Variants in NCALD observed in about 807,000 individuals in gnomAD.
NCALD encodes neurocalcin delta.
A neutral mutation model predicts 18.6 loss-of-function variants in NCALD; 10 were observed. The ratio of observed to expected loss-of-function variants is 0.54; its 90% confidence interval spans 0.33 to 0.91. The LOEUF (loss-of-function observed/expected upper bound fraction) is 0.91, where lower values mean the gene tolerates loss of function less well. NCALD is among the 40% of genes least tolerant of loss of function. NCALD has a pLI of 0.03. For missense variants in NCALD, 184 were observed against 247.6 expected, an observed-to-expected ratio of 0.74 and a Z score of 1.72; for synonymous variants, 88 against 87.4, an observed-to-expected ratio of 1.01 and a Z score of -0.04.
At chr8:101,824,419 C>T (rs970558933) in intron 4 of NCALD, among the ~76,000 whole-genome samples, 1 of 152,112 alleles carries the variant, frequency 6.6e-6, no homozygotes, top group Admixed American at 6.5e-5. Flanking sequence ...GCCTGCCTTC[C>T]CTTAATAACA....
chr8:101,876,027 G>C (rs1290109398), intron 4 of NCALD, among the ~76,000 whole-genome samples: 1 of 152,152 alleles, frequency 6.6e-6, no homozygotes, highest in Non-Finnish European at 1.5e-5. Flanking sequence ...TAGCTAGATG[G>C]TCCTAACCTC....
chr8:101,778,490 T>A (rs1418753710), intron 1 of NCALD, among the ~76,000 whole-genome samples: 3 of 152,104 alleles, frequency 2.0e-5, no homozygotes, highest in Non-Finnish European at 4.4e-5. Flanking sequence ...CTTTTTTTTT[T>A]AAAGTAATAC....
At chr8:101,960,686 T>C (rs1463928526) in intron 2 of NCALD, among the ~76,000 whole-genome samples, 2 of 152,134 alleles carry the variant, frequency 1.3e-5, no homozygotes, top group African/African-American at 4.8e-5. Context: ...TAACCATGAA[T>C]TGGATCATTT....
At chr8:101,914,109 A>G (rs1817895142) in intron 3 of NCALD, among the ~76,000 whole-genome samples, 1 of 152,250 alleles carries the variant, frequency 6.6e-6, no homozygotes, top group East Asian at 1.9e-4. Flanking sequence ...CTAACATCCT[A>G]TTTTTGGTCC....
chr8:101,967,207 C>T (rs2131877915), intron 2 of NCALD, among the ~76,000 whole-genome samples: 1 of 152,248 alleles, frequency 6.6e-6, no homozygotes, highest in Admixed American at 6.5e-5. Context: ...AAAATTTTAG[C>T]AGTTGATTCA....
chr8:101,808,775 A>T (rs1334913436), intron 4 of NCALD, among the ~76,000 whole-genome samples: 1 of 152,196 alleles, frequency 6.6e-6, no homozygotes, highest in Non-Finnish European at 1.5e-5. Flanking sequence ...TGTACACCCT[A>T]AAGATGGATG....
At chr8:101,969,242 A>C (rs762985962) in intron 2 of NCALD, among the ~76,000 whole-genome samples, 25 of 152,170 alleles carry the variant, frequency 1.6e-4, no homozygotes, top group Non-Finnish European at 2.9e-4. Flanking sequence ...CTCCATTTTT[A>C]CCTAAGCCAA....
chr8:101,774,929 G>A lies in NCALD; in HGVS notation c.-20+15933C>T, dbSNP rs541801618. On this transcript the variant is annotated intron_variant, in intron 1 of 3. Transcript: ENST00000220931. ...TCAACTTAGGGTGCCCAGATATCCA[G>A]GTCTGACAGCCTCAATCTTTTGGGC... 3.3e-5 allele frequency among the ~76,000 whole-genome samples: 5 copies of A among 152,288 alleles called. No individual in the cohort carries two copies. The South Asian group carries it at 8.3e-4, about 25-fold the overall frequency.
At chr8:101,881,241 T>G (rs915292556) in intron 4 of NCALD, among the ~76,000 whole-genome samples, 1 of 152,236 alleles carries the variant, frequency 6.6e-6, no homozygotes, top group African/African-American at 2.4e-5. Flanking sequence ...TCTAAGTACA[T>G]TTTTGCAATT....
intron 1 of NCALD, among the ~76,000 whole-genome samples, chr8:102,096,033 C>A (rs1206486516): frequency 2.0e-5 from 3 of 152,196 alleles, no homozygotes; most frequent in African/African-American, 7.2e-5. Context: ...GAACATTTGT[C>A]CCCCTGCCTC....
intron 4 of NCALD, among the ~76,000 whole-genome samples, chr8:101,850,377 C>T (rs2131328162): frequency 6.6e-6 from 1 of 152,226 alleles, no homozygotes; most frequent in African/African-American, 2.4e-5. Context: ...GTTTTATTTT[C>T]TGTAAGTAAA....
intron 2 of NCALD, among the ~76,000 whole-genome samples, chr8:102,006,255 C>A (rs1821707216): frequency 6.6e-6 from 1 of 151,882 alleles, no homozygotes; most frequent in South Asian, 2.1e-4. Context: ...GAATTTGCAA[C>A]AAGTTGACAA....
chr8:101,872,892 G>A (rs2131415295), intron 4 of NCALD, among the ~76,000 whole-genome samples: 1 of 152,256 alleles, frequency 6.6e-6, no homozygotes, highest in Non-Finnish European at 1.5e-5. Flanking sequence ...GCCCCTCTGT[G>A]TATCGAATCA....
At chr8:101,883,108 A>G (rs1446278415) in intron 4 of NCALD, among the ~76,000 whole-genome samples, 1 of 152,242 alleles carries the variant, frequency 6.6e-6, no homozygotes, top group African/African-American at 2.4e-5. Context: ...GTGGTGGCTC[A>G]CGTCTATAAC....
At chr8:101,932,622 GAAA>G (rs962571620) in intron 2 of NCALD, among the ~76,000 whole-genome samples, 30 of 151,538 alleles carry the variant, frequency 2.0e-4, no homozygotes, top group African/African-American at 7.3e-4. Context: ...GTACACGAGA[GAAA>G]AAAAAGAAAG....
chr8:101,945,638 C>A (rs1465118443), intron 2 of NCALD, among the ~76,000 whole-genome samples: 1 of 152,132 alleles, frequency 6.6e-6, no homozygotes, highest in Non-Finnish European at 1.5e-5. Context: ...GCTGGCACTG[C>A]GAACCCATGT....
chr8:102,076,375 G>A (rs1379180821), intron 1 of NCALD, among the ~76,000 whole-genome samples: 1 of 152,060 alleles, frequency 6.6e-6, no homozygotes, highest in Non-Finnish European at 1.5e-5. Context: ...ATTCTCCCTG[G>A]GCAGATGCTG....
intron 2 of NCALD, among the ~76,000 whole-genome samples, chr8:101,936,125 G>A (rs572004075): frequency 9.9e-5 from 15 of 152,214 alleles, no homozygotes; most frequent in African/African-American, 3.6e-4. Context: ...GAGGGGGTTG[G>A]TTTGAGGTTT....
chr8:101,924,865 A>G (rs972586392), intron 2 of NCALD, among the ~76,000 whole-genome samples: 3 of 152,206 alleles, frequency 2.0e-5, no homozygotes, highest in Non-Finnish European at 2.9e-5. Flanking sequence ...CCATTTTCAT[A>G]AACATAGACA....
Sources: allele counts gnomAD v4.1 joint callset (sites outside exome capture counted in the v4.1 genomes callset), GRCh38; gene constraint gnomAD v4.1.1; transcripts MANE v1.5; gene names NCBI Gene and HGNC (gene_info 2026-07-23, HGNC 2026-07-21).